The following CSMD2 variants were observed in gnomAD, a reference collection of about 807,000 sequenced individuals.
CSMD2 encodes CUB and Sushi multiple domains 2.
In CSMD2, 130 loss-of-function variants were observed where a neutral mutation model predicts 398.5. That is an observed-to-expected ratio of 0.33 (90% CI 0.28 to 0.38). The LOEUF is 0.38. Among genes scored for constraint, CSMD2 ranks in the 10% least tolerant of loss-of-function variants. CSMD2 has a pLI of 1.00. For synonymous variants in CSMD2, 1,828 were observed against 1,908.5 expected, an observed-to-expected ratio of 0.96 and a Z score of 1.10; for missense variants, 3,829 against 4,764.9, an observed-to-expected ratio of 0.80 and a Z score of 5.78.
At chr1:33,758,156 C>T (rs1356864394) in intron 13 of CSMD2, among the ~76,000 whole-genome samples, 2 of 152,210 alleles carry the variant, frequency 1.3e-5, no homozygotes, top group Non-Finnish European at 2.9e-5. Context: ...GCACCCTACA[C>T]TCCAGTCAGA....
chr1:34,123,942 T>C (rs1201702595), intron 1 of CSMD2, among the ~76,000 whole-genome samples: 2 of 152,162 alleles, frequency 1.3e-5, no homozygotes, highest in Non-Finnish European at 2.9e-5. Flanking sequence ...CCAGAACCCA[T>C]GGGTTTAACC....
rs749883308 is a variant in CSMD2, at chr1:33,550,302, C to T, written c.8792G>A (p.Gly2931Glu). 1 of 1,614,208 alleles carries T rather than the reference C, an allele frequency of 6.2e-7. No individual in the cohort carries two copies. The highest frequency in any genetic ancestry group is 8.5e-7 in the Non-Finnish European group (1 of 1,180,022). ...PGSPPHSQMS[G>E]DSYTVGAVVR... ...CACTGCTCCCACAGTATAACTGTCT[C>T]CAGACATCTGGGAGTGAGGCGGGGA... The change falls in exon 56 of 71, where the codon GGA (glycine) becomes GAA (glutamate). Residue 2931 changes from glycine to glutamate, a missense_variant. This residue lies in a region of CSMD2 where 917 missense variants were observed against 1,199.5 expected (regional missense o/e 0.76). Coordinates refer to ENST00000373381, the MANE Select transcript of CSMD2 (RefSeq NM_001281956.2).
chr1:33,571,391 A>G (rs1659580589), intron 51 of CSMD2, 141 bp downstream of exon 51: 2 of 508,024 alleles, frequency 3.9e-6, no homozygotes, highest in East Asian at 3.5e-5. Context: ...TCCTGATTCT[A>G]CTAGATGAGA....
At chr1:33,550,156 C>T (rs2148627004) in intron 56 of CSMD2, 21 bp downstream of exon 56, 3 of 1,605,750 alleles carry the variant, frequency 1.9e-6, no homozygotes, top group Non-Finnish European at 2.6e-6. Flanking sequence ...GGAGCTCTTT[C>T]CTCAATGCCA....
intron 25 of CSMD2, among the ~76,000 whole-genome samples, chr1:33,675,681 T>C (rs1644684517): frequency 6.6e-6 from 1 of 152,174 alleles, no homozygotes; most frequent in Non-Finnish European, 1.5e-5. Context: ...ACCAATATCC[T>C]TGATGAACAT....
At chr1:34,011,413 G>T (rs568618614) in intron 3 of CSMD2, among the ~76,000 whole-genome samples, 1 of 152,138 alleles carries the variant, frequency 6.6e-6, no homozygotes, top group East Asian at 1.9e-4. Context: ...TGAGGTAAAC[G>T]TTGCAGTGTT....
intron 13 of CSMD2, among the ~76,000 whole-genome samples, chr1:33,745,644 T>G (rs1298739633): frequency 6.6e-6 from 1 of 152,202 alleles, no homozygotes; most frequent in Non-Finnish European, 1.5e-5. Flanking sequence ...TTTTCCAGTC[T>G]GCAGCTGTAA....
intron 58 of CSMD2, 28 bp from the exon 59 acceptor site, chr1:33,541,337 C>T (rs1307231717): frequency 6.3e-7 from 1 of 1,587,768 alleles, no homozygotes; most frequent in Non-Finnish European, 8.6e-7. Flanking sequence ...TAGCATTGTT[C>T]ACTCCTGGCC....
At chr1:33,738,908 C>T (rs1362089926) in intron 15 of CSMD2, among the ~76,000 whole-genome samples, 2 of 152,316 alleles carry the variant, frequency 1.3e-5, no homozygotes, top group Admixed American at 6.5e-5. Flanking sequence ...TGATGCCTGA[C>T]AATCCAGAGC....
chr1:33,636,678 G>T lies in CSMD2; in HGVS notation c.4775-124C>A. The T allele has an allele frequency of 1.4e-6, 1 of 712,592 alleles. No individual in the cohort carries two copies. The allele number at this position is 712,592 out of a possible 1,614,324, so 44.1% of individuals were successfully genotyped here. ...AGCCACAGAGCACACGGGGATGCGT[G>T]ACTGTGGCTCCTATTCCCCTCAGGT... On this transcript the variant is annotated intron_variant, in intron 29 of 70. Coordinates refer to ENST00000373381, the MANE Select transcript of CSMD2 (RefSeq NM_001281956.2). The surrounding 1 kb of genome is among the most constrained non-coding windows in gnomAD (Gnocchi z 4.8).
chr1:34,086,890 C>A (rs1191166405), intron 2 of CSMD2, among the ~76,000 whole-genome samples: 1 of 152,094 alleles, frequency 6.6e-6, no homozygotes, highest in African/African-American at 2.4e-5. Context: ...ACCTCCCAGC[C>A]TCACTTTTTC....
intron 5 of CSMD2, among the ~76,000 whole-genome samples, chr1:33,892,387 G>C (rs555334975): frequency 6.3e-4 from 95 of 151,956 alleles, no homozygotes; most frequent in African/African-American, 2.1e-3. Flanking sequence ...ATGTTCTTTA[G>C]TGGTGATTTC....
At chr1:33,755,853 GA>G (rs1210196764) in intron 13 of CSMD2, among the ~76,000 whole-genome samples, 1 of 146,082 alleles carries the variant, frequency 6.8e-6, no homozygotes, top group African/African-American at 2.8e-5. Flanking sequence ...TGTGCGGGGG[GA>G]GGGGGGTCTC....
Position 33,572,705 on chromosome 1 carries a change from A to T in CSMD2, c.7577-14T>A. 1 of 1,593,646 alleles carries T rather than the reference A, an allele frequency of 6.3e-7. No individual in the cohort carries two copies. On this transcript the variant is annotated splice_polypyrimidine_tract_variant and intron_variant, in intron 49 of 70. Transcript: ENST00000373381. Reference sequence around the variant, plus strand: ...CACAGGAAAGAGCTAGCAAAAGGAAAACAATGTCATGAGCATTTGTTTTAA... The same window carrying T: ...CACAGGAAAGAGCTAGCAAAAGGAATACAATGTCATGAGCATTTGTTTTAA...
chr1:34,088,266 A>G (rs1658144512), intron 2 of CSMD2, among the ~76,000 whole-genome samples: 1 of 152,152 alleles, frequency 6.6e-6, no homozygotes, highest in African/African-American at 2.4e-5. Flanking sequence ...AGCCACGCTG[A>G]CCTGACCTGG....
chr1:34,100,293 C>T (rs74068053), intron 1 of CSMD2, among the ~76,000 whole-genome samples: 2,436 of 152,204 alleles, frequency 0.016, 35 homozygotes, highest in East Asian at 0.053. Context: ...CCAAAATTAC[C>T]GAAGTTAACA....
intron 25 of CSMD2, among the ~76,000 whole-genome samples, chr1:33,682,949 C>A (rs757270213): frequency 2.0e-5 from 3 of 152,214 alleles, no homozygotes; most frequent in Non-Finnish European, 2.9e-5. Context: ...CACTCCCCAC[C>A]TTTTCCCCAG....
chr1:34,079,302 G>C (rs528920655), intron 2 of CSMD2, among the ~76,000 whole-genome samples: 1 of 152,112 alleles, frequency 6.6e-6, no homozygotes, highest in African/African-American at 2.4e-5. Context: ...ATCCCGATTG[G>C]AAAGGAAGAA....
Position 33,600,891 on chromosome 1 carries a change from C to G in CSMD2, c.6830G>C (p.Gly2277Ala), listed in dbSNP as rs773952980. 23 of 1,614,028 alleles carry G rather than the reference C, an allele frequency of 1.4e-5. No individual in the cohort carries two copies. The highest frequency in any genetic ancestry group is 8.3e-5 in the Admixed American group (5 of 59,996). The change falls in exon 44 of 71, where the codon GGG (glycine) becomes GCG (alanine). Residue 2277 changes from glycine to alanine, a missense_variant. Physicochemically the swap from Gly to Ala is moderately conservative, Grantham distance 60. This residue lies in a region of CSMD2 where 723 missense variants were observed against 758.6 expected (regional missense o/e 0.95). Transcript: ENST00000373381. ...GGAGAAAGCTATGGCGAAGATCCCC[C>G]CTGTGGCTGCATCACGGTGGAACTT... is the stretch of plus-strand genomic sequence containing the variant. ...LLKFHRDAAT[G>A]GIFAIAFSAY...
Sources: gnomAD v4.1 joint callset for allele counts (sites outside exome capture counted in the v4.1 genomes callset) on GRCh38, gnomAD v4.1.1 for gene constraint, gnomAD v4.1.1 regional missense constraint, Gnocchi (gnomAD v3.1) non-coding constraint, MANE v1.5 for transcripts, NCBI Gene and HGNC (gene_info 2026-07-23, HGNC 2026-07-21) for gene names.